The following TLL1 variants were observed in gnomAD, a reference collection of about 807,000 sequenced individuals.
TLL1 encodes tolloid-like protein 1.
TLL1 carries 49 observed loss-of-function variants against 128.2 expected under a neutral mutation model. That is an observed-to-expected ratio of 0.38 (90% CI 0.30 to 0.48). The LOEUF (loss-of-function observed/expected upper bound fraction) is 0.48, where lower values mean the gene tolerates loss of function less well. Ranked by LOEUF, TLL1 falls within the 20% of genes least tolerant of loss-of-function variation. The probability of loss-of-function intolerance (pLI) is 0.96; values close to 1 mark genes in which losing one functional copy is unlikely to be tolerated. For synonymous variants in TLL1, 454 were observed against 418.8 expected, an observed-to-expected ratio of 1.08 and a Z score of -1.03; for missense variants, 1,123 against 1,242.0, an observed-to-expected ratio of 0.90 and a Z score of 1.44.
chr4:165,951,071 G>T (rs1734491804), intron 1 of TLL1, among the ~76,000 whole-genome samples: 1 of 152,048 alleles, frequency 6.6e-6, no homozygotes, highest in South Asian at 2.1e-4. Context: ...GAAAAGAGGG[G>T]ATGTAATTAC....
chr4:165,881,935 C>T (rs149339680), intron 1 of TLL1, among the ~76,000 whole-genome samples: 55 of 152,182 alleles, frequency 3.6e-4, no homozygotes, highest in African/African-American at 1.2e-3. Context: ...TAAATTTACT[C>T]GGAGTATTCA....
chr4:166,034,152 A>G (rs946079821), intron 9 of TLL1, among the ~76,000 whole-genome samples: 1 of 152,180 alleles, frequency 6.6e-6, no homozygotes, highest in African/African-American at 2.4e-5. Context: ...TAGTAATATA[A>G]TGGTTAAACT....
chr4:165,873,809 A>C lies in TLL1; in HGVS notation c.-96A>C. 7.0e-7 allele frequency: 1 copy of C among 1,420,564 alleles called. No individual in the cohort carries two copies. The highest frequency in any genetic ancestry group is 9.8e-7 in the Non-Finnish European group (1 of 1,016,574). 88.0% of individuals were successfully genotyped at this position (1,420,564 alleles called of 1,614,324 possible). ...CCCGCCGAGGAGCCTCCGGGTGGGG[A>C]GAAGAGCACCGGTGCCCCTAGCCCC... On this transcript the variant is annotated 5_prime_UTR_variant, in exon 1 of 21. Coordinates refer to ENST00000061240, the MANE Select transcript of TLL1 (RefSeq NM_012464.5).
At chr4:166,071,834 C>T (rs561469063) in intron 16 of TLL1, among the ~76,000 whole-genome samples, 12 of 151,996 alleles carry the variant, frequency 7.9e-5, no homozygotes, top group South Asian at 6.2e-4. Flanking sequence ...ATAAGAAATC[C>T]AAAATTGTAT....
intron 12 of TLL1, among the ~76,000 whole-genome samples, chr4:166,050,757 G>A (rs896894320): frequency 7.2e-5 from 11 of 152,090 alleles, no homozygotes; most frequent in Admixed American, 2.0e-4. Context: ...TGTACAGGTT[G>A]GCAGGTTTAG....
At position 165,920,048 on chromosome 4, in the gene TLL1, C is replaced by T. The variant is rs1732976458; in HGVS notation, c.169+45975C>T. ...AATGTGTTTTATGTCAGCATCATAC[C>T]CCAAAATACTGCCATTGACCTAAAA... On this transcript the variant is annotated intron_variant, in intron 1 of 20. Coordinates refer to ENST00000061240, the MANE Select transcript of TLL1 (RefSeq NM_012464.5). The T allele has an allele frequency of 2.3e-5, 5 of 219,076 alleles. No homozygotes were observed. The South Asian group carries it at 2.4e-4, about 11-fold the overall frequency. The allele number at this position is 219,076 out of a possible 1,614,324, so 13.6% of individuals were successfully genotyped here. A position where few individuals can be genotyped will look rare whatever the true frequency, so the allele number is the denominator to read the frequency against.
intron 1 of TLL1, among the ~76,000 whole-genome samples, chr4:165,893,874 T>C (rs1731532249): frequency 6.6e-6 from 1 of 152,120 alleles, no homozygotes; most frequent in African/African-American, 2.4e-5. Context: ...TCCAAGCAAC[T>C]TTACTGCTTC....
intron 19 of TLL1, among the ~76,000 whole-genome samples, chr4:166,098,309 T>C (rs1742119566): frequency 1.7e-5 from 2 of 118,158 alleles, no homozygotes; most frequent in South Asian, 6.0e-4. Context: ...CACACCAGCC[T>C]GGGTGATAGA....
chr4:166,052,434 A>G (rs2111107081), intron 12 of TLL1, among the ~76,000 whole-genome samples: 1 of 152,188 alleles, frequency 6.6e-6, no homozygotes, highest in South Asian at 2.1e-4. Context: ...AGCTGGGATT[A>G]CAGGTGCCTG....
chr4:166,002,108 G>C (rs1737192560), intron 5 of TLL1, among the ~76,000 whole-genome samples: 1 of 152,130 alleles, frequency 6.6e-6, no homozygotes, highest in Non-Finnish European at 1.5e-5. Flanking sequence ...CACAGTTCTG[G>C]AGACGCGGCA....
intron 1 of TLL1, among the ~76,000 whole-genome samples, chr4:165,924,730 A>G (rs1018464289): frequency 2.6e-5 from 4 of 152,248 alleles, no homozygotes; most frequent in African/African-American, 9.6e-5. Context: ...AGAAGATGCC[A>G]TCTAGGACTT....
chr4:166,049,795 A>C (rs921018385), intron 12 of TLL1, among the ~76,000 whole-genome samples: 1 of 151,578 alleles, frequency 6.6e-6, no homozygotes, highest in Non-Finnish European at 1.5e-5. Flanking sequence ...AGACTTTACT[A>C]GATTTTTCTC....
At chr4:166,003,293 T>G in intron 5 of TLL1, 98 bp from the exon 6 acceptor site, 1 of 1,241,404 alleles carries the variant, frequency 8.1e-7, no homozygotes, top group South Asian at 1.2e-5. Flanking sequence ...TGTGTCGGAC[T>G]TTATAGCTCA....
At chr4:166,003,047 A>G (rs1184110374) in intron 5 of TLL1, among the ~76,000 whole-genome samples, 1 of 152,184 alleles carries the variant, frequency 6.6e-6, no homozygotes, top group East Asian at 1.9e-4. Flanking sequence ...CAGCTTAACT[A>G]TATGTCTTAG....
At chr4:165,944,705 A>T (rs1177143998) in intron 1 of TLL1, among the ~76,000 whole-genome samples, 1 of 152,120 alleles carries the variant, frequency 6.6e-6, no homozygotes, top group East Asian at 1.9e-4. Flanking sequence ...GTATCCAGGG[A>T]AGAAGATGGT....
At chr4:165,930,293 G>T (rs1315502959) in intron 1 of TLL1, among the ~76,000 whole-genome samples, 3 of 152,130 alleles carry the variant, frequency 2.0e-5, no homozygotes, top group Non-Finnish European at 4.4e-5. Context: ...ACCTTTGGCG[G>T]TAGTAGTAGA....
chr4:166,059,007 G>A (rs78401349), intron 14 of TLL1, among the ~76,000 whole-genome samples: 1 of 151,796 alleles, frequency 6.6e-6, no homozygotes, highest in South Asian at 2.1e-4. Flanking sequence ...CCCTTTACTA[G>A]AATAAAAAAG....
At chr4:166,028,767 G>A (rs957945834) in intron 9 of TLL1, among the ~76,000 whole-genome samples, 3 of 151,718 alleles carry the variant, frequency 2.0e-5, no homozygotes, top group South Asian at 2.1e-4. Context: ...ACTCTATTTC[G>A]TCTATTATTA....
chr4:166,072,617 C>T (rs533140099), intron 16 of TLL1, among the ~76,000 whole-genome samples: 2 of 151,342 alleles, frequency 1.3e-5, no homozygotes, highest in Non-Finnish European at 2.9e-5. Context: ...TAATTATACT[C>T]AAAAATATGA....
Sources: gnomAD v4.1 joint callset for allele counts (sites outside exome capture counted in the v4.1 genomes callset) on GRCh38, gnomAD v4.1.1 for gene constraint, MANE v1.5 for transcripts, NCBI Gene and HGNC (gene_info 2026-07-23, HGNC 2026-07-21) for gene names.